The following AUTS2 variants were observed in gnomAD, a reference collection of about 807,000 sequenced individuals.
AUTS2 encodes the protein activator of transcription and developmental regulator AUTS2.
In AUTS2, 17 loss-of-function variants were observed where a neutral mutation model predicts 112.4. The observed-to-expected ratio is 0.15, with a 90% CI of 0.10 to 0.23. The LOEUF is 0.23. Ranked by LOEUF, AUTS2 falls within the 10% of genes least tolerant of loss-of-function variation. The pLI is 1.00. For synonymous variants in AUTS2, 751 were observed against 702.7 expected (o/e 1.07, Z -1.09); for missense variants, 1,510 against 1,701.6 (o/e 0.89, Z 1.98).
chr7:69,980,957 A>G (rs1186186342), intron 2 of AUTS2, among the ~76,000 whole-genome samples: 2 of 152,242 alleles, frequency 1.3e-5, no homozygotes, highest in East Asian at 3.8e-4. Context: ...TAAAAATGGT[A>G]TAACAACTTA....
chr7:70,710,847 A>G (rs1810010089), intron 6 of AUTS2, among the ~76,000 whole-genome samples: 1 of 152,248 alleles, frequency 6.6e-6, no homozygotes, highest in Non-Finnish European at 1.5e-5. Flanking sequence ...GCTCTGGTGG[A>G]ATATTAGATG....
chr7:69,832,532 G>T (rs1791549967), intron 1 of AUTS2, among the ~76,000 whole-genome samples: 1 of 152,158 alleles, frequency 6.6e-6, no homozygotes, highest in South Asian at 2.1e-4. Context: ...TCTCCCATGG[G>T]TCAACTGGTG....
intron 2 of AUTS2, among the ~76,000 whole-genome samples, chr7:69,996,147 T>A (rs781268294): frequency 6.6e-6 from 1 of 152,184 alleles, no homozygotes; most frequent in South Asian, 2.1e-4. Context: ...ATTTTATCTG[T>A]CAAATGTGGG....
chr7:70,456,871 G>A (rs1426956915), intron 5 of AUTS2, among the ~76,000 whole-genome samples: 1 of 152,226 alleles, frequency 6.6e-6, no homozygotes, highest in African/African-American at 2.4e-5. Context: ...GGAGTGTGAA[G>A]TGTGACTTGC....
intron 2 of AUTS2, among the ~76,000 whole-genome samples, chr7:69,928,969 C>T (rs765163908): frequency 1.3e-5 from 2 of 152,076 alleles, no homozygotes; most frequent in African/African-American, 4.8e-5. Flanking sequence ...TTTCTTATGC[C>T]CTTCATTTCT....
chr7:70,207,723 C>A (rs1460595136), intron 4 of AUTS2, among the ~76,000 whole-genome samples: 1 of 152,034 alleles, frequency 6.6e-6, no homozygotes, highest in Non-Finnish European at 1.5e-5. Flanking sequence ...TCTATTATTA[C>A]ATTACCGGCT....
rs755203703 is a variant in AUTS2 at position 70,766,125 on chromosome 7, T to C, written c.1480T>C (p.Leu494=). 1 of 1,613,234 alleles carries C rather than the reference T, an allele frequency of 6.2e-7. No homozygotes were observed. The highest frequency in any genetic ancestry group is 1.1e-5 in the South Asian group (1 of 91,068). Residue 494 remains leucine (L), a synonymous_variant, in exon 9 of 19, where the codon TTG becomes CTG. Coordinates refer to ENST00000342771, the MANE Select transcript of AUTS2 (RefSeq NM_015570.4). This position sits in a 1 kb window ranked among gnomAD's most constrained non-coding sequence, Gnocchi z 4.8. ...AGSTYSEQDI[L]RQELNTRFLA... ...TTCTTCTCTTCCAGAGCAAGACATC[T>C]TGCGACAGGAACTGAACACTCGTTT...
rs1051552584 is a variant in AUTS2, at chr7:70,591,339, C to A, written c.691-107230C>A. 3.3e-5 allele frequency among the ~76,000 whole-genome samples: 5 copies of A among 152,200 alleles called. No homozygotes were observed. The East Asian group carries it at 5.8e-4, about 18-fold the overall frequency. On this transcript the variant is annotated intron_variant, in intron 5 of 18. Transcript: ENST00000342771. ...AAGTTCCAAGACCCACACCAGGCTACTCCTTGACAGGAAGCTTTTGTTCCT... is the reference window on the plus strand; with the variant it reads ...AAGTTCCAAGACCCACACCAGGCTAATCCTTGACAGGAAGCTTTTGTTCCT...
At chr7:69,712,763 G>T (rs1200989690) in intron 1 of AUTS2, among the ~76,000 whole-genome samples, 1 of 152,096 alleles carries the variant, frequency 6.6e-6, no homozygotes, top group East Asian at 1.9e-4. Context: ...GGGTAAATGG[G>T]CAGGTGTATG....
intron 1 of AUTS2, among the ~76,000 whole-genome samples, chr7:69,859,092 C>G (rs548186740): frequency 1.3e-5 from 2 of 152,310 alleles, no homozygotes; most frequent in South Asian, 4.1e-4. Context: ...TCAGGACAGT[C>G]ATTGTACCAA....
chr7:70,191,450 C>T (rs764602209), intron 4 of AUTS2, among the ~76,000 whole-genome samples: 10 of 152,196 alleles, frequency 6.6e-5, no homozygotes, highest in East Asian at 3.9e-4. Flanking sequence ...GGATTATAGG[C>T]GTGAGCCACC....
intron 2 of AUTS2, among the ~76,000 whole-genome samples, chr7:70,027,346 G>A (rs1800566489): frequency 6.6e-6 from 1 of 151,988 alleles, no homozygotes; most frequent in Non-Finnish European, 1.5e-5. Context: ...TCTTTTATTG[G>A]CCCCTCTTTC....
chr7:70,735,936 A>G (rs533264286), intron 6 of AUTS2, among the ~76,000 whole-genome samples: 1 of 152,272 alleles, frequency 6.6e-6, no homozygotes, highest in Admixed American at 6.5e-5. Flanking sequence ...GATCAGTTGC[A>G]ATCAAAATCC....
intron 1 of AUTS2, among the ~76,000 whole-genome samples, chr7:69,716,957 C>T (rs1305599465): frequency 1.3e-5 from 2 of 152,120 alleles, no homozygotes; most frequent in African/African-American, 4.8e-5. Flanking sequence ...CTATGCCTTC[C>T]GTGGACTTGT....
At chr7:69,759,527 G>C (rs1788078605) in intron 1 of AUTS2, among the ~76,000 whole-genome samples, 1 of 152,030 alleles carries the variant, frequency 6.6e-6, no homozygotes, top group African/African-American at 2.4e-5. Context: ...TCGGATTAGG[G>C]TTGTGCAACC....
At chr7:70,749,353 G>A (rs1042660417) in intron 6 of AUTS2, among the ~76,000 whole-genome samples, 2 of 152,084 alleles carry the variant, frequency 1.3e-5, no homozygotes, top group African/African-American at 2.4e-5. Flanking sequence ...AGGGCTGGGC[G>A]GCACGGGGAG....
chr7:69,899,204 T>G, intron 1 of AUTS2, 82 bp from the exon 2 acceptor site: 1 of 1,019,230 alleles, frequency 9.8e-7, no homozygotes, highest in South Asian at 1.4e-5. Flanking sequence ...GTAACACCCT[T>G]TAGTATTTAG....
At chr7:70,609,566 G>GTTTTTTTTGTTTTTT (rs1803965594) in intron 5 of AUTS2, among the ~76,000 whole-genome samples, 1 of 145,050 alleles carries the variant, frequency 6.9e-6, no homozygotes, top group African/African-American at 2.7e-5. Flanking sequence ...AGCTAATTTT[G>GTTTTTTTTGTTTTTT]TTTTTTTTGT....
At chr7:70,217,971 A>G (rs1029018929) in intron 4 of AUTS2, among the ~76,000 whole-genome samples, 3 of 152,152 alleles carry the variant, frequency 2.0e-5, no homozygotes, top group African/African-American at 7.2e-5. Context: ...CCAGAACCCT[A>G]ACTGATATAG....
Sources: allele counts gnomAD v4.1 joint callset (sites outside exome capture counted in the v4.1 genomes callset), GRCh38; gene constraint gnomAD v4.1.1; non-coding constraint Gnocchi (gnomAD v3.1); transcripts MANE v1.5; gene names NCBI Gene and HGNC (gene_info 2026-07-23, HGNC 2026-07-21).